DOCK3: variants seen among roughly 807,000 people sequenced by gnomAD.
The protein encoded by DOCK3 is dedicator of cytokinesis 3, also known as dedicator of cytokinesis protein 3.
Under a neutral mutation model 265.6 loss-of-function variants are expected in DOCK3, and 60 were observed. The ratio of observed to expected loss-of-function variants is 0.23; its 90% CI spans 0.18 to 0.28. DOCK3 has a LOEUF of 0.28. DOCK3 is among the 10% of genes least tolerant of loss of function. The probability of loss-of-function intolerance (pLI) is 1.00; values close to 1 mark genes in which losing one functional copy is unlikely to be tolerated. For missense variants in DOCK3, 1,981 were observed against 2,594.3 expected (o/e 0.76, Z 5.14); for synonymous variants, 881 against 938.0 (o/e 0.94, Z 1.11).
intron 1 of DOCK3, among the ~76,000 whole-genome samples, chr3:50,704,518 CTT>C (rs2036258895): frequency 6.6e-6 from 1 of 151,774 alleles, no homozygotes; most frequent in South Asian, 2.1e-4. Context: ...CATATAATGA[CTT>C]TGTTACTATA....
chr3:50,706,439 GT>G (rs2036419044), intron 1 of DOCK3, among the ~76,000 whole-genome samples: 1 of 152,172 alleles, frequency 6.6e-6, no homozygotes, highest in South Asian at 2.1e-4. Flanking sequence ...GGCCTGTGAG[GT>G]TTTTGCTGAG....
intron 2 of DOCK3, among the ~76,000 whole-genome samples, chr3:50,816,747 T>C (rs2106847726): frequency 6.6e-6 from 1 of 152,306 alleles, no homozygotes; most frequent in South Asian, 2.1e-4. Context: ...ATAGGTAATA[T>C]CTCCCAAGCC....
At chr3:50,927,454 T>C (rs1169304717) in intron 4 of DOCK3, among the ~76,000 whole-genome samples, 1 of 152,186 alleles carries the variant, frequency 6.6e-6, no homozygotes, top group East Asian at 1.9e-4. Context: ...ATCATAAATA[T>C]TTGAGGTGAT....
At chr3:50,981,605 T>C (rs758181811) in intron 5 of DOCK3, among the ~76,000 whole-genome samples, 6 of 152,230 alleles carry the variant, frequency 3.9e-5, no homozygotes, top group Non-Finnish European at 5.9e-5. Context: ...TAATATTTGC[T>C]TTATACATCT....
chr3:50,938,859 C>A (rs2051540877), intron 5 of DOCK3, among the ~76,000 whole-genome samples: 1 of 151,250 alleles, frequency 6.6e-6, no homozygotes, highest in South Asian at 2.1e-4. Flanking sequence ...AAAAAGGACT[C>A]CAGCCTGGAC....
chr3:50,924,635 T>C (rs984970486), intron 4 of DOCK3, among the ~76,000 whole-genome samples: 2 of 152,250 alleles, frequency 1.3e-5, no homozygotes, highest in Admixed American at 6.5e-5. Flanking sequence ...AACTTGCCTG[T>C]AGGCAGTTGG....
chr3:50,959,808 C>T (rs981420371), intron 5 of DOCK3, among the ~76,000 whole-genome samples: 6 of 152,024 alleles, frequency 3.9e-5, no homozygotes, highest in South Asian at 2.1e-4. Flanking sequence ...TCTCGATCTC[C>T]TGACCTCGTG....
At chr3:51,165,732 A>G (rs2086368463) in intron 12 of DOCK3, among the ~76,000 whole-genome samples, 1 of 152,196 alleles carries the variant, frequency 6.6e-6, no homozygotes, top group Non-Finnish European at 1.5e-5. Flanking sequence ...TGCTTAGCAC[A>G]GTGCCCCCTA....
chr3:51,330,232 C>T lies in DOCK3; in HGVS notation c.3488+9C>T. The stretch of plus-strand genomic sequence containing the variant: ...GAGCTCTTCAGCCTACTGTAAGCTG[C>T]TCCAGCCCCAGGCACACCACACTGG... On this transcript the variant is annotated intron_variant, in intron 33 of 52. Coordinates refer to ENST00000266037, the MANE Select transcript of DOCK3 (RefSeq NM_004947.5). 6.3e-7 allele frequency: 1 copy of T among 1,584,698 alleles called. No homozygotes were observed. Among genetic ancestry groups the T allele is most frequent in the South Asian group, 1.2e-5 (1 of 86,564 alleles).
intron 6 of DOCK3, 48 bp from the exon 7 acceptor site, chr3:51,075,308 A>C: frequency 6.6e-7 from 1 of 1,505,228 alleles, no homozygotes; most frequent in Non-Finnish European, 9.1e-7. Flanking sequence ...AAGAGAGATA[A>C]GTAATCTGAG....
chr3:51,064,890 G>C (rs930924271), intron 6 of DOCK3, among the ~76,000 whole-genome samples: 4 of 152,106 alleles, frequency 2.6e-5, no homozygotes, highest in Non-Finnish European at 5.9e-5. Context: ...CAGATTTCTT[G>C]ATTCTACACC....
At chr3:51,042,549 C>T (rs2080576208) in intron 5 of DOCK3, among the ~76,000 whole-genome samples, 1 of 152,182 alleles carries the variant, frequency 6.6e-6, no homozygotes. Context: ...AGGATGCCCT[C>T]TCTCACCACT....
chr3:51,370,343 G>A (rs1213345809), intron 49 of DOCK3, among the ~76,000 whole-genome samples: 1 of 152,120 alleles, frequency 6.6e-6, no homozygotes, highest in Non-Finnish European at 1.5e-5. Flanking sequence ...TTCTTGCTGA[G>A]GACAGATCTC....
In DOCK3 at chr3:51,206,581, C is replaced by T. The variant is rs556435869; in HGVS notation, c.1038-2193C>T. 2.1e-4 allele frequency among the ~76,000 whole-genome samples: 32 copies of T among 151,540 alleles called. No individual in the cohort carries two copies. The South Asian group carries it at 5.9e-3, about 28-fold the overall frequency. Reference sequence around the variant, plus strand: ...ATCCTTTAAAAAAAAAAGAGAGAGACGGGGAAAGAAAGGCAAGAAATACCA... The same window carrying T: ...ATCCTTTAAAAAAAAAAGAGAGAGATGGGGAAAGAAAGGCAAGAAATACCA... On this transcript the variant is annotated intron_variant, in intron 12 of 52. Coordinates refer to ENST00000266037, the MANE Select transcript of DOCK3 (RefSeq NM_004947.5).
intron 3 of DOCK3, among the ~76,000 whole-genome samples, chr3:50,888,918 A>G (rs1423399078): frequency 3.3e-5 from 5 of 151,928 alleles, no homozygotes; most frequent in African/African-American, 1.2e-4. Flanking sequence ...ATATTCTCCC[A>G]TATTAGGATT....
intron 1 of DOCK3, among the ~76,000 whole-genome samples, chr3:50,728,094 A>G (rs1255593717): frequency 6.6e-6 from 1 of 152,224 alleles, no homozygotes; most frequent in Non-Finnish European, 1.5e-5. Flanking sequence ...CTGAAATCAT[A>G]CAGCATGTGT....
intron 5 of DOCK3, among the ~76,000 whole-genome samples, chr3:50,953,359 T>C (rs770032422): frequency 9.2e-5 from 14 of 152,132 alleles, no homozygotes; most frequent in Non-Finnish European, 1.8e-4. Flanking sequence ...ATTAGAGCAG[T>C]ATTCTGAGAG....
At chr3:50,715,365 A>G (rs1312536828) in intron 1 of DOCK3, among the ~76,000 whole-genome samples, 1 of 152,132 alleles carries the variant, frequency 6.6e-6, no homozygotes, top group Admixed American at 6.5e-5. Flanking sequence ...AGCCTGGGCA[A>G]CATAGTAGGA....
intron 5 of DOCK3, among the ~76,000 whole-genome samples, chr3:50,999,463 AC>A (rs1228870658): frequency 6.6e-6 from 1 of 152,218 alleles, no homozygotes; most frequent in Non-Finnish European, 1.5e-5. Context: ...CTAGTTATTT[AC>A]CTTGAAACAT....
Sources: allele counts gnomAD v4.1 joint callset (sites outside exome capture counted in the v4.1 genomes callset), GRCh38; gene constraint gnomAD v4.1.1; transcripts MANE v1.5; gene names NCBI Gene and HGNC (gene_info 2026-07-23, HGNC 2026-07-21).